Variants in DAPK1 observed in about 807,000 individuals in gnomAD.
DAPK1 encodes death-associated protein kinase 1.
DAPK1 carries 56 observed loss-of-function variants against 144.9 expected under a neutral mutation model. The ratio of observed to expected loss-of-function variants is 0.39; its 90% CI spans 0.31 to 0.48. The LOEUF is 0.48. Among genes scored for constraint, DAPK1 ranks in the 20% least tolerant of loss-of-function variants. DAPK1 has a pLI of 0.95. For missense variants in DAPK1, 1,454 were observed against 1,875.4 expected (o/e 0.78, Z 4.15); for synonymous variants, 690 against 749.0 (o/e 0.92, Z 1.29).
intron 2 of DAPK1, among the ~76,000 whole-genome samples, chr9:87,557,379 G>C (rs572217292): frequency 6.6e-6 from 1 of 151,990 alleles, no homozygotes; most frequent in Non-Finnish European, 1.5e-5. Context: ...TGCCTTCCTC[G>C]TCCTTCCAAA....
chr9:87,647,858 T>C (rs1451814739), intron 14 of DAPK1, among the ~76,000 whole-genome samples: 1 of 152,230 alleles, frequency 6.6e-6, no homozygotes, highest in Non-Finnish European at 1.5e-5. Flanking sequence ...GGCTTTTTTT[T>C]GGCACAACGG....
chr9:87,587,621 C>T (rs1192633869), intron 2 of DAPK1, among the ~76,000 whole-genome samples: 1 of 152,240 alleles, frequency 6.6e-6, no homozygotes, highest in Non-Finnish European at 1.5e-5. Context: ...GGGCCCAAGA[C>T]GTGGGAATTG....
intron 3 of DAPK1, among the ~76,000 whole-genome samples, chr9:87,607,953 G>T (rs1828791916): frequency 6.6e-6 from 1 of 152,134 alleles, no homozygotes; most frequent in African/African-American, 2.4e-5. Context: ...GGAGGCCTCA[G>T]GAAACTTACA....
chr9:87,589,093 G>A (rs1828039370), intron 2 of DAPK1, among the ~76,000 whole-genome samples: 1 of 124,578 alleles, frequency 8.0e-6, no homozygotes, highest in African/African-American at 3.3e-5. Flanking sequence ...ATTTTTAGTA[G>A]AGACAGGGTT....
chr9:87,700,285 G>T, intron 24 of DAPK1, 48 bp downstream of exon 24: 1 of 1,547,308 alleles, frequency 6.5e-7, no homozygotes, highest in South Asian at 1.1e-5. Flanking sequence ...CTTCCTTCCT[G>T]GTTTGCCTCT....
intron 17 of DAPK1, chr9:87,657,775 G>A: frequency 2.1e-6 from 1 of 482,104 alleles, no homozygotes; most frequent in Non-Finnish European, 3.8e-6. Flanking sequence ...TCTCTTTCAG[G>A]CCAGCACAGC....
At chr9:87,604,806 A>G (rs1828653217) in intron 2 of DAPK1, 148 bp from the exon 3 acceptor site, 1 of 645,626 alleles carries the variant, frequency 1.5e-6, no homozygotes, top group South Asian at 2.0e-5. Context: ...GAATGATGAT[A>G]AGAAACATCC....
intron 2 of DAPK1, among the ~76,000 whole-genome samples, chr9:87,579,390 A>G (rs1160981222): frequency 6.6e-6 from 1 of 152,180 alleles, no homozygotes; most frequent in African/African-American, 2.4e-5. Context: ...TTCATTTAAC[A>G]TCTTGCAGTC....
At chr9:87,643,705 C>G (rs544428808) in intron 11 of DAPK1, among the ~76,000 whole-genome samples, 3 of 152,140 alleles carry the variant, frequency 2.0e-5, no homozygotes, top group African/African-American at 7.2e-5. Context: ...ACCTCTAACA[C>G]TACCCTCCAC....
chr9:87,633,661 T>C (rs762723228), intron 3 of DAPK1, among the ~76,000 whole-genome samples: 1 of 152,124 alleles, frequency 6.6e-6, no homozygotes, highest in Non-Finnish European at 1.5e-5. Context: ...TCCTTACTCC[T>C]GTGGAGTTGA....
intron 19 of DAPK1, among the ~76,000 whole-genome samples, chr9:87,670,650 G>T (rs929162811): frequency 6.6e-6 from 1 of 152,104 alleles, no homozygotes; most frequent in African/African-American, 2.4e-5. Flanking sequence ...GGTGTATGAT[G>T]CCCTGGCTCA....
intron 2 of DAPK1, among the ~76,000 whole-genome samples, chr9:87,499,537 C>T (rs1039340010): frequency 2.0e-5 from 3 of 152,134 alleles, no homozygotes; most frequent in African/African-American, 7.2e-5. Context: ...TTTTAAAAAT[C>T]TTAGTACTTT....
intron 2 of DAPK1, among the ~76,000 whole-genome samples, chr9:87,522,438 G>C (rs1178664186): frequency 6.6e-6 from 1 of 151,946 alleles, no homozygotes; most frequent in African/African-American, 2.4e-5. Context: ...TTCTGCCTTT[G>C]GCTTTTTTGT....
intron 14 of DAPK1, 190 bp from the exon 15 acceptor site, chr9:87,648,591 C>T (rs953398349): frequency 3.4e-6 from 2 of 581,094 alleles, no homozygotes; most frequent in Non-Finnish European, 3.1e-6. Flanking sequence ...GCTTAATACT[C>T]ACTGTGTGGT....
At chr9:87,661,841 G>A (rs1380713537) in intron 18 of DAPK1, among the ~76,000 whole-genome samples, 1 of 152,062 alleles carries the variant, frequency 6.6e-6, no homozygotes, top group Non-Finnish European at 1.5e-5. Context: ...AGTCCTGTTC[G>A]TCTATTTTTA....
chr9:87,560,054 G>T (rs574807877), intron 2 of DAPK1, among the ~76,000 whole-genome samples: 1 of 149,722 alleles, frequency 6.7e-6, no homozygotes, highest in Non-Finnish European at 1.5e-5. Flanking sequence ...GCCCAGGCTC[G>T]ATCTTGGCTC....
chr9:87,508,890 G>A (rs1015301843), intron 2 of DAPK1, among the ~76,000 whole-genome samples: 3 of 152,210 alleles, frequency 2.0e-5, no homozygotes, highest in East Asian at 1.9e-4. Flanking sequence ...AAAAAGTGGC[G>A]GAAGGATACC....
chr9:87,521,775 C>T (rs534486166), intron 2 of DAPK1, among the ~76,000 whole-genome samples: 3 of 152,218 alleles, frequency 2.0e-5, no homozygotes, highest in South Asian at 2.1e-4. Context: ...AATATTTATC[C>T]CCTCAAAACT....
Position 87,698,738 on chromosome 9 carries a change from TG to T in DAPK1, c.2696del (p.Gly899GlufsTer13). On this transcript the variant is annotated frameshift_variant, in exon 23 of 26. Coordinates refer to ENST00000408954, the MANE Select transcript of DAPK1 (RefSeq NM_004938.4). LOFTEE classifies it high-confidence loss of function. ...ACATCATGAATGTTCCTCGACCGGC[TG>T]GAGGCGAGTTTGGATATGACAAAGA... is the stretch of plus-strand genomic sequence containing the variant. ...ADIMNVPRPAGGEFGYDKDTS... is the reference protein window; with the variant it reads ...ADIMNVPRPAXGEFGYDKDTS... The T allele has an allele frequency of 6.2e-7, 1 of 1,605,146 alleles. No individual in the cohort carries two copies. Among genetic ancestry groups the T allele is most frequent in the Non-Finnish European group, 8.5e-7 (1 of 1,171,804 alleles).
Sources: allele counts gnomAD v4.1 joint callset (sites outside exome capture counted in the v4.1 genomes callset), GRCh38; gene constraint gnomAD v4.1.1; transcripts MANE v1.5; gene names NCBI Gene and HGNC (gene_info 2026-07-23, HGNC 2026-07-21).